Variants in MAP3K15 observed in about 807,000 individuals in gnomAD.
The protein encoded by MAP3K15 is MAPK/ERK kinase kinase 15.
MAP3K15 carries 124 observed loss-of-function variants against 99.5 expected under a neutral mutation model. The observed-to-expected ratio is 1.25, with a 90% CI of 1.08 to 1.45. MAP3K15 has a LOEUF of 1.45. MAP3K15 is among the 40% of genes most tolerant of loss of function. MAP3K15 has a pLI of 0.00. For missense variants in MAP3K15, 1,242 were observed against 1,079.7 expected, an observed-to-expected ratio of 1.15 and a Z score of -2.11; for synonymous variants, 494 against 439.6, an observed-to-expected ratio of 1.12 and a Z score of -1.55.
At chrX:19,431,395 C>G in intron 7 of MAP3K15, 43 bp downstream of exon 7, 2 of 1,165,788 alleles carry the variant, frequency 1.7e-6, no homozygotes, top group Non-Finnish European at 1.2e-6. Flanking sequence ...GATTCTGTTC[C>G]TTGAAGAGAT....
intron 6 of MAP3K15, among the ~76,000 whole-genome samples, chrX:19,443,599 C>T (rs1040363915): frequency 2.7e-5 from 3 of 112,130 alleles, no homozygotes; most frequent in African/African-American, 9.7e-5. Flanking sequence ...GAAAGAGACA[C>T]TGAAACTAGA....
intron 19 of MAP3K15, among the ~76,000 whole-genome samples, chrX:19,374,992 C>T (rs1254743299): frequency 9.0e-6 from 1 of 110,874 alleles, no homozygotes; most frequent in African/African-American, 3.3e-5. Flanking sequence ...GAGGTACGAC[C>T]CCGTGGAGAG....
intron 6 of MAP3K15, among the ~76,000 whole-genome samples, chrX:19,436,169 G>A (rs866387887): frequency 3.2e-4 from 30 of 94,246 alleles, no homozygotes; most frequent in African/African-American, 1.5e-3. Context: ...AAAAAAAAAA[G>A]AAAGAAAGAA....
At chrX:19,419,502 A>T (rs1317045152) in intron 9 of MAP3K15, among the ~76,000 whole-genome samples, 1 of 110,779 alleles carries the variant, frequency 9.0e-6, no homozygotes, top group Non-Finnish European at 1.9e-5. Context: ...TCCTAAATAT[A>T]TATGCACCCA....
chrX:19,377,563 G>A (rs887892074), intron 19 of MAP3K15, among the ~76,000 whole-genome samples: 7 of 111,333 alleles, frequency 6.3e-5, no homozygotes, highest in African/African-American at 2.3e-4. Flanking sequence ...GAGAGACTTT[G>A]TACAGTGAAT....
chrX:19,367,787 C>T (rs919731194), intron 25 of MAP3K15, among the ~76,000 whole-genome samples: 5 of 75,429 alleles, frequency 6.6e-5, no homozygotes, highest in East Asian at 1.1e-3. Context: ...CTCATGCTGT[C>T]GCCCAGGCTG....
At chrX:19,451,779 A>G (rs2064040741) in intron 6 of MAP3K15, among the ~76,000 whole-genome samples, 1 of 110,332 alleles carries the variant, frequency 9.1e-6, no homozygotes, top group Admixed American at 9.9e-5. Flanking sequence ...AAAATTAAAA[A>G]TATGCCAGGC....
chrX:19,376,007 A>G (rs1455975787), intron 19 of MAP3K15, among the ~76,000 whole-genome samples: 1 of 112,003 alleles, frequency 8.9e-6, no homozygotes, highest in Non-Finnish European at 1.9e-5. Flanking sequence ...GGGTACAAAG[A>G]CCAACATTCA....
At chrX:19,366,234 C>T (rs951360767) in intron 25 of MAP3K15, among the ~76,000 whole-genome samples, 1 of 110,678 alleles carries the variant, frequency 9.0e-6, no homozygotes, top group Non-Finnish European at 1.9e-5. Flanking sequence ...TGCCTTCATC[C>T]TGGTCTCTCT....
At chrX:19,489,936 TA>T (rs2064356064) in intron 1 of MAP3K15, among the ~76,000 whole-genome samples, 1 of 110,616 alleles carries the variant, frequency 9.0e-6, no homozygotes, top group Admixed American at 9.7e-5. Flanking sequence ...CTCGGGAGGC[TA>T]AGGCAGGAGA....
Position 19,483,057 on chromosome X carries a change from T to C in MAP3K15, c.525+3425A>G, listed in dbSNP as rs757157536. 3.1e-4 allele frequency among the ~76,000 whole-genome samples: 33 copies of C among 107,359 alleles called. No homozygotes were observed. The East Asian group carries it at 9.3e-3, about 30-fold the overall frequency. The allele number at this position is 107,359 out of a possible 115,157, so 93.2% of individuals were successfully genotyped here. The stretch of plus-strand genomic sequence containing the variant: ...TGAGGCCAGGAGTTTGAGACCAGCC[T>C]GGCCAACATGGTGAAACCCTGTCTC... On this transcript the variant is annotated intron_variant, in intron 3 of 28. Transcript: ENST00000338883.
At chrX:19,365,931 C>T (rs1252829441) in intron 25 of MAP3K15, among the ~76,000 whole-genome samples, 5 of 97,580 alleles carry the variant, frequency 5.1e-5, no homozygotes, top group Admixed American at 1.2e-4. Context: ...CGCTTGAACC[C>T]GGGAGGTGAA....
intron 6 of MAP3K15, among the ~76,000 whole-genome samples, chrX:19,441,521 G>A (rs923210242): frequency 5.4e-5 from 6 of 112,044 alleles, no homozygotes; most frequent in Non-Finnish European, 1.1e-4. Context: ...CGTCGTCCAG[G>A]CTGGAGTGCA....
At chrX:19,404,883 C>T (rs2063636213) in intron 13 of MAP3K15, among the ~76,000 whole-genome samples, 1 of 111,561 alleles carries the variant, frequency 9.0e-6, no homozygotes, top group African/African-American at 3.3e-5. Context: ...GGGTCAAAAA[C>T]CTAAACATAT....
intron 3 of MAP3K15, among the ~76,000 whole-genome samples, chrX:19,465,510 C>T (rs1372962801): frequency 9.4e-6 from 1 of 106,797 alleles, no homozygotes; most frequent in East Asian, 3.0e-4. Context: ...CTTTGGAAGG[C>T]AGAGGCGAGT....
At position 19,416,843 on chromosome X, in the gene MAP3K15, C is replaced by A. The variant is rs181324060; in HGVS notation, c.1440-1586G>T. Among the ~76,000 whole-genome samples, 6 of 112,019 alleles carry A rather than the reference C, an allele frequency of 5.4e-5. No individual in the cohort carries two copies. In the East Asian group the frequency reaches 1.7e-3, roughly 31 times the overall value. ...TTTTTGGTGAATTTTCAACTGAGCC[C>A]CTAACTCCCACATTGTTCAAGGGTC... On this transcript the variant is annotated intron_variant, in intron 9 of 28. Transcript: ENST00000338883.
intron 6 of MAP3K15, among the ~76,000 whole-genome samples, chrX:19,440,456 T>C (rs1440962743): frequency 8.9e-6 from 1 of 112,502 alleles, no homozygotes; most frequent in Non-Finnish European, 1.9e-5. Flanking sequence ...GTGAACAATG[T>C]TCAGAGTCAA....
intron 15 of MAP3K15, 92 bp downstream of exon 15, chrX:19,398,134 T>C (rs1270306530): frequency 2.9e-6 from 3 of 1,046,424 alleles, no homozygotes; most frequent in Admixed American, 5.2e-5. Flanking sequence ...CACAATGCTT[T>C]TGCCCTTAAC....
chrX:19,456,636 G>A (rs759299659), intron 6 of MAP3K15, among the ~76,000 whole-genome samples: 1 of 112,298 alleles, frequency 8.9e-6, no homozygotes, highest in East Asian at 2.8e-4. Flanking sequence ...ATTTAAAAAA[G>A]AGATGTGACC....
Sources: allele counts gnomAD v4.1 joint callset (sites outside exome capture counted in the v4.1 genomes callset), GRCh38; gene constraint gnomAD v4.1.1; transcripts MANE v1.5; gene names NCBI Gene and HGNC (gene_info 2026-07-23, HGNC 2026-07-21).